The following RNF216 variants were observed in gnomAD, a reference collection of about 807,000 sequenced individuals.
The protein encoded by RNF216 is ring finger protein 216, also known as E3 ubiquitin-protein ligase RNF216.
RNF216 carries 72 observed loss-of-function variants against 110.8 expected under a neutral mutation model. The observed-to-expected ratio is 0.65, with a 90% confidence interval of 0.54 to 0.79. The LOEUF (loss-of-function observed/expected upper bound fraction) is 0.79, where lower values mean the gene tolerates loss of function less well. RNF216 is among the 30% of genes least tolerant of loss of function. The pLI is 0.00. For synonymous variants in RNF216, 495 were observed against 407.5 expected, an observed-to-expected ratio of 1.21 and a Z score of -2.59; for missense variants, 1,342 against 1,141.2, an observed-to-expected ratio of 1.18 and a Z score of -2.54.
intron 13 of RNF216, among the ~76,000 whole-genome samples, chr7:5,701,929 T>A (rs1043262845): frequency 1.3e-4 from 20 of 152,106 alleles, no homozygotes; most frequent in Non-Finnish European, 2.5e-4. Flanking sequence ...TCGTGACTGG[T>A]CTCCTGAGAA....
At chr7:5,760,539 A>G (rs1475111772) in intron 2 of RNF216, 1 of 331,916 alleles carries the variant, frequency 3.0e-6, no homozygotes, top group South Asian at 2.3e-5. Flanking sequence ...AAAAAACAAA[A>G]CAAAACTGTA....
At chr7:5,626,902 G>A (rs1305174717) in intron 15 of RNF216, among the ~76,000 whole-genome samples, 2 of 151,786 alleles carry the variant, frequency 1.3e-5, no homozygotes, top group African/African-American at 4.9e-5. Flanking sequence ...AAAAATGACA[G>A]GTAGAGAAGT....
chr7:5,780,547 A>C (rs1797023319), intron 1 of RNF216, among the ~76,000 whole-genome samples: 1 of 152,054 alleles, frequency 6.6e-6, no homozygotes. Context: ...AAATACAAAA[A>C]TTAGCTGGAC....
intron 1 of RNF216, among the ~76,000 whole-genome samples, chr7:5,776,092 C>A (rs1222252919): frequency 6.6e-6 from 1 of 152,068 alleles, no homozygotes; most frequent in Non-Finnish European, 1.5e-5. Context: ...TAAATCAATA[C>A]AGAAAAAGTT....
intron 13 of RNF216, among the ~76,000 whole-genome samples, chr7:5,663,897 CA>C (rs201687940): frequency 0.019 from 2,865 of 151,584 alleles, 85 homozygotes; most frequent in African/African-American, 0.064. Context: ...GAGTCCGTCT[CA>C]AAAAAACAAA....
At chr7:5,777,018 A>T (rs1796824376) in intron 1 of RNF216, among the ~76,000 whole-genome samples, 1 of 152,166 alleles carries the variant, frequency 6.6e-6, no homozygotes, top group Non-Finnish European at 1.5e-5. Context: ...AACAGCTTTC[A>T]CTTAGGGCTC....
chr7:5,740,482 G>A (rs571869154), intron 4 of RNF216, among the ~76,000 whole-genome samples: 1 of 152,250 alleles, frequency 6.6e-6, no homozygotes, highest in Admixed American at 6.5e-5. Flanking sequence ...CAGAAACACT[G>A]TCCTCCATGC....
intron 13 of RNF216, among the ~76,000 whole-genome samples, chr7:5,656,413 C>T (rs193079084): frequency 6.6e-6 from 1 of 152,278 alleles, no homozygotes; most frequent in Non-Finnish European, 1.5e-5. Flanking sequence ...TACACTTTGA[C>T]GAGTAACCTC....
In RNF216 at chr7:5,721,020, C is replaced by T; in HGVS notation, c.1644+13G>A. On this transcript the variant is annotated intron_variant, in intron 9 of 16. Transcript: ENST00000389902. ...CCAGAAACACACCCCAAGACCAGAGCACATCTTCCTACCTCTGCCATCTCT... is the reference window on the plus strand; with the variant it reads ...CCAGAAACACACCCCAAGACCAGAGTACATCTTCCTACCTCTGCCATCTCT... 1 of 1,613,942 alleles carries T rather than the reference C, an allele frequency of 6.2e-7. No individual in the cohort carries two copies. The highest frequency in any genetic ancestry group is 1.1e-5 in the South Asian group (1 of 91,078).
At chr7:5,635,639 T>A (rs1787351141) in intron 15 of RNF216, among the ~76,000 whole-genome samples, 1 of 152,160 alleles carries the variant, frequency 6.6e-6, no homozygotes, top group East Asian at 1.9e-4. Context: ...AGGGAGATGC[T>A]GCGCTGGCCT....
At chr7:5,737,162 T>C (rs2128649055) in intron 5 of RNF216, among the ~76,000 whole-genome samples, 1 of 152,352 alleles carries the variant, frequency 6.6e-6, no homozygotes. Flanking sequence ...GGAGACTCCA[T>C]TTTGTTCTGT....
chr7:5,723,948 C>T (rs1053294836), intron 8 of RNF216, among the ~76,000 whole-genome samples: 4 of 152,200 alleles, frequency 2.6e-5, no homozygotes, highest in African/African-American at 9.7e-5. Context: ...CTATCTTATA[C>T]TTCCAGGGTC....
At chr7:5,734,401 G>A (rs1320363281) in intron 5 of RNF216, among the ~76,000 whole-genome samples, 5 of 152,058 alleles carry the variant, frequency 3.3e-5, no homozygotes, top group Admixed American at 1.3e-4. Context: ...GGATAGCAAC[G>A]TTCTATTTCT....
chr7:5,686,834 A>T (rs1363059900), intron 13 of RNF216, among the ~76,000 whole-genome samples: 1 of 152,122 alleles, frequency 6.6e-6, no homozygotes, highest in African/African-American at 2.4e-5. Flanking sequence ...TCTCATAAGG[A>T]GTGTGCAACT....
At chr7:5,704,171 G>A (rs1257042735) in intron 13 of RNF216, among the ~76,000 whole-genome samples, 1 of 152,122 alleles carries the variant, frequency 6.6e-6, no homozygotes, top group East Asian at 1.9e-4. Context: ...GGATTCCAGA[G>A]GACTGATTCC....
chr7:5,680,335 C>G lies in RNF216; in HGVS notation c.2062-27825G>C, dbSNP rs892894532. The G allele has an allele frequency of 6.6e-5, 10 of 152,218 alleles. No homozygotes were observed. Among genetic ancestry groups the G allele is most frequent in the African/African-American group, 2.4e-4 (10 of 41,428 alleles). The allele number at this position is 152,218 out of a possible 1,614,324, so 9.4% of individuals were successfully genotyped here. ...TCATCATAGAATGCGATCCACTCCC[C>G]CAAGCCCAAGTCTCCTACCCGAGTC... On this transcript the variant is annotated intron_variant, in intron 13 of 16. Transcript: ENST00000389902. This position sits in a 1 kb window ranked among gnomAD's most constrained non-coding sequence, Gnocchi z 4.3.
intron 6 of RNF216, among the ~76,000 whole-genome samples, chr7:5,730,220 T>A (rs1342833983): frequency 6.6e-6 from 1 of 152,228 alleles, no homozygotes; most frequent in Non-Finnish European, 1.5e-5. Flanking sequence ...TGAAATGCAT[T>A]ATCATGAAAT....
chr7:5,720,599 T>C (rs920545262), intron 9 of RNF216, among the ~76,000 whole-genome samples: 5 of 152,102 alleles, frequency 3.3e-5, no homozygotes, highest in African/African-American at 9.7e-5. Flanking sequence ...TGTCTTAGCA[T>C]AGTTATAAGA....
At chr7:5,674,467 T>TA (rs532178772) in intron 13 of RNF216, among the ~76,000 whole-genome samples, 15,242 of 139,780 alleles carry the variant, frequency 0.11, 851 homozygotes, top group African/African-American at 0.15. Flanking sequence ...CTACATCTCT[T>TA]AAAAAAAAAA....
Sources: allele counts gnomAD v4.1 joint callset (sites outside exome capture counted in the v4.1 genomes callset), GRCh38; gene constraint gnomAD v4.1.1; non-coding constraint Gnocchi (gnomAD v3.1); transcripts MANE v1.5; gene names NCBI Gene and HGNC (gene_info 2026-07-23, HGNC 2026-07-21).